Variants in RBFOX1 observed in about 807,000 individuals in gnomAD.
RBFOX1 encodes the protein RNA binding protein fox-1 homolog 1.
In RBFOX1, 8 loss-of-function variants were observed where a neutral mutation model predicts 57.7. That is an observed-to-expected ratio of 0.14 (90% confidence interval 0.08 to 0.25). The LOEUF is 0.25. Among genes scored for constraint, RBFOX1 ranks in the 10% least tolerant of loss-of-function variants. The pLI is 1.00. For synonymous variants in RBFOX1, 326 were observed against 222.4 expected (o/e 1.47, Z -4.15); for missense variants, 611 against 548.5 (o/e 1.11, Z -1.14).
intron 3 of RBFOX1, among the ~76,000 whole-genome samples, chr16:6,928,361 A>G (rs778817888): frequency 1.3e-5 from 2 of 152,156 alleles, no homozygotes; most frequent in African/African-American, 4.8e-5. Flanking sequence ...GGAAAAGAGA[A>G]TCCTGATTTC....
chr16:6,345,740 G>T (rs2085278867), intron 2 of RBFOX1, among the ~76,000 whole-genome samples: 1 of 152,154 alleles, frequency 6.6e-6, no homozygotes, highest in Non-Finnish European at 1.5e-5. Context: ...ATCTAAGACT[G>T]GTCTCAGTTA....
At chr16:7,015,736 A>G (rs1049675453) in intron 3 of RBFOX1, among the ~76,000 whole-genome samples, 10 of 152,118 alleles carry the variant, frequency 6.6e-5, no homozygotes, top group East Asian at 5.8e-4. Flanking sequence ...TCCATTCCCA[A>G]TAATTCATTT....
At chr16:5,665,639 C>G (rs1471640638) in intron 3 of RBFOX1, among the ~76,000 whole-genome samples, 1 of 152,196 alleles carries the variant, frequency 6.6e-6, no homozygotes, top group African/African-American at 2.4e-5. Context: ...AGATAGTTGG[C>G]ACTCAGTTAG....
intron 3 of RBFOX1, among the ~76,000 whole-genome samples, chr16:6,931,192 G>T (rs140116785): frequency 6.6e-6 from 1 of 151,516 alleles, no homozygotes; most frequent in Non-Finnish European, 1.5e-5. Context: ...TGTAGATATG[G>T]CATAATATTT....
chr16:7,336,149 A>C (rs2096782897), intron 4 of RBFOX1, among the ~76,000 whole-genome samples: 1 of 152,214 alleles, frequency 6.6e-6, no homozygotes, highest in Non-Finnish European at 1.5e-5. Context: ...CAGGAGCCTC[A>C]GTCACTTGCC....
intron 3 of RBFOX1, among the ~76,000 whole-genome samples, chr16:5,618,398 T>C (rs1380356234): frequency 6.6e-6 from 1 of 151,930 alleles, no homozygotes; most frequent in African/African-American, 2.4e-5. Flanking sequence ...AGTGCAGTGG[T>C]GCGATCTCGG....
At chr16:5,763,078 G>A (rs1347471838) in intron 3 of RBFOX1, among the ~76,000 whole-genome samples, 1 of 152,148 alleles carries the variant, frequency 6.6e-6, no homozygotes, top group Non-Finnish European at 1.5e-5. Flanking sequence ...GACTTGTTAG[G>A]ATAGGGGTGG....
intron 1 of RBFOX1, among the ~76,000 whole-genome samples, chr16:5,283,537 T>C (rs1188582928): frequency 6.6e-6 from 1 of 152,122 alleles, no homozygotes; most frequent in Admixed American, 6.5e-5. Flanking sequence ...TGGCCTTTAT[T>C]CTCCCAAGGC....
rs2096714264 is a variant in RBFOX1 at position 7,332,694 on chromosome 16, T to G, written c.28-185453T>G. On this transcript the variant is annotated intron_variant, in intron 4 of 15. Coordinates refer to ENST00000550418, the MANE Select transcript of RBFOX1 (RefSeq NM_018723.4). ...TCTGTCTCTCTCTCTCTCTGAGAAC[T>G]AAATTAATGAAGAGTATTTGGTTAG... 3.2e-6 allele frequency: 3 copies of G among 930,612 alleles called. 1 individual carries two copies. Among genetic ancestry groups the G allele is most frequent in the South Asian group, 5.7e-5 (2 of 34,804 alleles). The allele number at this position is 930,612 out of a possible 1,614,324, so 57.6% of individuals were successfully genotyped here. A position where few individuals can be genotyped will look rare whatever the true frequency, so the allele number is the denominator to read the frequency against.
chr16:6,718,846 C>G (rs145763425), intron 3 of RBFOX1, among the ~76,000 whole-genome samples: 25 of 152,036 alleles, frequency 1.6e-4, no homozygotes, highest in African/African-American at 5.5e-4. Context: ...TTCTTTTTTT[C>G]TTATCTTTTT....
rs1238820390 is a variant in RBFOX1 at position 5,953,634 on chromosome 16, C to G, written c.351+86299C>G. Among the ~76,000 whole-genome samples the G allele has an allele frequency of 4.6e-5, 7 of 151,810 alleles. No homozygotes were observed. In the East Asian group the frequency reaches 7.8e-4, roughly 17 times the overall value. On this transcript the variant is annotated intron_variant, in intron 4 of 19. Coordinates refer to the RBFOX1 transcript ENST00000641259. The stretch of plus-strand genomic sequence containing the variant: ...GAGTTAGTTCACTTAGAATAATAGT[C>G]TCTAATCTCATCCAGGTTGCTGCGA...
chr16:5,525,071 T>C lies in RBFOX1; in HGVS notation c.258+57817T>C, dbSNP rs962623739. Among the ~76,000 whole-genome samples the C allele has an allele frequency of 7.2e-5, 11 of 152,198 alleles. 1 individual carries two copies. Among genetic ancestry groups the C allele is most frequent in the Non-Finnish European group, 1.2e-4 (8 of 68,042 alleles). ...TCATTAGGGCAAATAATTCCTTCTT[T>C]CTCAACACTGCTCCCCTGGTGTCTA... is the stretch of plus-strand genomic sequence containing the variant. On this transcript the variant is annotated intron_variant, in intron 2 of 2. Transcript: ENST00000585867.
intron 1 of RBFOX1, among the ~76,000 whole-genome samples, chr16:6,080,384 T>A (rs978671326): frequency 6.6e-6 from 1 of 152,164 alleles, no homozygotes; most frequent in Non-Finnish European, 1.5e-5. Flanking sequence ...GTGTGAATCC[T>A]CTATTGACCT....
In RBFOX1 at chr16:6,607,360, TATAACC is replaced by T. The variant is rs572532377; in HGVS notation, c.-63-47239_-63-47234del. Among the ~76,000 whole-genome samples the T allele has an allele frequency of 4.1e-3, 629 of 152,296 alleles. 3 individuals carry two copies. The highest frequency in any genetic ancestry group is 5.6e-3 in the Non-Finnish European group (382 of 68,028). ...ATAATAATTCATTTAATATAAATGTTATAACCATATGACCAATTTCCAGTTATCATA... is the reference window on the plus strand; with the variant it reads ...ATAATAATTCATTTAATATAAATGTTATATGACCAATTTCCAGTTATCATA... On this transcript the variant is annotated intron_variant, in intron 2 of 15. Coordinates refer to ENST00000550418, the MANE Select transcript of RBFOX1 (RefSeq NM_018723.4).
intron 2 of RBFOX1, among the ~76,000 whole-genome samples, chr16:6,333,656 C>G (rs531203550): frequency 6.6e-6 from 1 of 152,076 alleles, no homozygotes; most frequent in East Asian, 1.9e-4. Flanking sequence ...TGGATACAGG[C>G]TTATTTTCGT....
At chr16:6,316,231 G>T (rs1039999778) in intron 1 of RBFOX1, among the ~76,000 whole-genome samples, 1 of 152,064 alleles carries the variant, frequency 6.6e-6, no homozygotes, top group African/African-American at 2.4e-5. Flanking sequence ...CAGAACTCTT[G>T]ATTTTTCTGG....
At chr16:6,372,312 A>G (rs929589516) in intron 2 of RBFOX1, among the ~76,000 whole-genome samples, 20 of 151,708 alleles carry the variant, frequency 1.3e-4, no homozygotes, top group African/African-American at 4.8e-4. Flanking sequence ...TTTGGGTAGG[A>G]GGATGGTTGG....
At chr16:7,157,573 G>T (rs74009268) in intron 4 of RBFOX1, among the ~76,000 whole-genome samples, 22,331 of 151,922 alleles carry the variant, frequency 0.15, 1,849 homozygotes, top group East Asian at 0.33. Flanking sequence ...GTCCAGGCAC[G>T]TGAAAATATC....
intron 4 of RBFOX1, among the ~76,000 whole-genome samples, chr16:7,252,674 G>A (rs777304317): frequency 4.4e-4 from 66 of 151,540 alleles, no homozygotes; most frequent in Non-Finnish European, 3.2e-4. Flanking sequence ...TGTCCTAGAC[G>A]TAACCTTTTT....
Sources: allele counts gnomAD v4.1 joint callset (sites outside exome capture counted in the v4.1 genomes callset), GRCh38; gene constraint gnomAD v4.1.1; transcripts MANE v1.5; gene names NCBI Gene and HGNC (gene_info 2026-07-23, HGNC 2026-07-21).